POM121C: variants seen among roughly 807,000 people sequenced by gnomAD.
POM121C encodes the protein POM121 transmembrane nucleoporin C, also known as nuclear envelope pore membrane protein POM 121C.
POM121C carries 20 observed loss-of-function variants against 66.4 expected under a neutral mutation model. That is an observed-to-expected ratio of 0.30 (90% confidence interval 0.21 to 0.44). POM121C has a LOEUF of 0.44. Among genes scored for constraint, POM121C ranks in the 20% least tolerant of loss-of-function variants. The probability of loss-of-function intolerance (pLI) is 1.00; values close to 1 mark genes in which losing one functional copy is unlikely to be tolerated. For missense variants in POM121C, 580 were observed against 1,225.7 expected, an observed-to-expected ratio of 0.47 and a Z score of 7.87; for synonymous variants, 286 against 528.0, an observed-to-expected ratio of 0.54 and a Z score of 6.28.
At chr7:75,447,856 T>A (rs1790877915) in intron 3 of POM121C, among the ~76,000 whole-genome samples, 1 of 151,914 alleles carries the variant, frequency 6.6e-6, no homozygotes, top group African/African-American at 2.4e-5. Context: ...ACCCCGTCTC[T>A]ACTAAAAATA....
chr7:75,480,926 C>T (rs1281364660), intron 1 of POM121C, among the ~76,000 whole-genome samples: 2 of 151,334 alleles, frequency 1.3e-5, no homozygotes, highest in Non-Finnish European at 2.9e-5. Context: ...AATTACTGTG[C>T]TATGGATATT....
At chr7:75,463,083 G>A (rs1215381972) in intron 3 of POM121C, among the ~76,000 whole-genome samples, 2 of 152,158 alleles carry the variant, frequency 1.3e-5, no homozygotes, top group Admixed American at 6.5e-5. Flanking sequence ...AGCACTTTGG[G>A]AGGCTGAGGC....
chr7:75,460,894 T>C (rs1283239957), intron 3 of POM121C, among the ~76,000 whole-genome samples: 1 of 152,080 alleles, frequency 6.6e-6, no homozygotes, highest in African/African-American at 2.4e-5. Flanking sequence ...TCAGCAACAG[T>C]GGCTTCCCCA....
intron 3 of POM121C, among the ~76,000 whole-genome samples, chr7:75,470,758 G>A (rs1391420190): frequency 6.6e-6 from 1 of 151,822 alleles, no homozygotes; most frequent in Non-Finnish European, 1.5e-5. Flanking sequence ...TCAGCCTCCT[G>A]AATAGCTGGG....
At chr7:75,467,865 C>T (rs1554478080) in intron 3 of POM121C, among the ~76,000 whole-genome samples, 1 of 152,034 alleles carries the variant, frequency 6.6e-6, no homozygotes, top group Admixed American at 6.6e-5. Context: ...CACTGTGGCT[C>T]ATGCCTGTAA....
chr7:75,419,685 C>G, intron 13 of POM121C: 1 of 515,762 alleles, frequency 1.9e-6, no homozygotes, highest in Middle Eastern at 5.1e-4. Flanking sequence ...GCCCCCCTGC[C>G]CCGCAGCCAC....
intron 5 of POM121C, chr7:75,440,746 A>C: frequency 2.9e-6 from 2 of 699,646 alleles, no homozygotes; most frequent in South Asian, 3.8e-5. Flanking sequence ...CTCACAGAAA[A>C]GGTAAATTAT....
At chr7:75,477,757 T>C (rs587669562) in intron 1 of POM121C, among the ~76,000 whole-genome samples, 47 of 151,124 alleles carry the variant, frequency 3.1e-4, no homozygotes, top group African/African-American at 1.1e-3. Flanking sequence ...AGCAAGACCC[T>C]GTCTCTACAA....
chr7:75,486,193 C>A lies in POM121C; in HGVS notation c.-787G>T. The A allele has an allele frequency of 3.3e-6, 1 of 299,706 alleles. No homozygotes were observed. The highest frequency in any genetic ancestry group is 6.5e-6 in the Non-Finnish European group (1 of 154,458). 18.6% of individuals were successfully genotyped at this position (299,706 alleles called of 1,614,324 possible). On this transcript the variant is annotated 5_prime_UTR_variant, in exon 1 of 15. Coordinates refer to ENST00000615331, the MANE Select transcript of POM121C (RefSeq NM_001099415.3). Reference sequence around the variant, plus strand: ...CCGCCCGCCTAGGTGCTGGTCCGGGCGGTCAGCATCCAGCCCCGCAGACTC... The same window carrying A: ...CCGCCCGCCTAGGTGCTGGTCCGGGAGGTCAGCATCCAGCCCCGCAGACTC...
At chr7:75,427,546 C>T (rs1204200776) in intron 7 of POM121C, among the ~76,000 whole-genome samples, 2 of 150,352 alleles carry the variant, frequency 1.3e-5, no homozygotes, top group Non-Finnish European at 3.0e-5. Flanking sequence ...ATACATCTGC[C>T]TCTTCCACCA....
At chr7:75,441,693 T>C in intron 3 of POM121C, 46 bp from the exon 4 acceptor site, 1 of 1,471,878 alleles carries the variant, frequency 6.8e-7, no homozygotes, top group Non-Finnish European at 9.2e-7. Context: ...TATAAAAGAA[T>C]GTCAAAATTT....
At chr7:75,460,668 A>C (rs1203170094) in intron 3 of POM121C, among the ~76,000 whole-genome samples, 2 of 152,056 alleles carry the variant, frequency 1.3e-5, no homozygotes, top group Non-Finnish European at 2.9e-5. Flanking sequence ...ACATACTTAA[A>C]CAATGAAGAG....
intron 4 of POM121C, 39 bp downstream of exon 4, chr7:75,441,393 C>T: frequency 5.6e-6 from 9 of 1,600,228 alleles, no homozygotes; most frequent in Non-Finnish European, 7.7e-6. Context: ...ATAAAGTGGA[C>T]ACGAAAAGGG....
rs1554472930 is a variant in POM121C, at chr7:75,435,421, G to C, written c.480+2094C>G. 6.6e-5 allele frequency among the ~76,000 whole-genome samples: 10 copies of C among 152,296 alleles called. No individual in the cohort carries two copies. In the South Asian group the frequency reaches 1.2e-3, roughly 19 times the overall value. On this transcript the variant is annotated intron_variant, in intron 7 of 14. Coordinates refer to ENST00000615331, the MANE Select transcript of POM121C (RefSeq NM_001099415.3). ...AAAATGGAGAGGAAGGAAAAATGTA[G>C]AGTGGAAAGGGATGGAAATTGAATT... is the stretch of plus-strand genomic sequence containing the variant.
At chr7:75,465,999 C>T (rs587681106) in intron 3 of POM121C, among the ~76,000 whole-genome samples, 4 of 148,714 alleles carry the variant, frequency 2.7e-5, no homozygotes, top group African/African-American at 7.4e-5. Flanking sequence ...TGGTGCATAC[C>T]TGTAGTCCCA....
intron 3 of POM121C, among the ~76,000 whole-genome samples, chr7:75,446,575 C>G (rs1434370024): frequency 6.6e-6 from 1 of 150,700 alleles, no homozygotes; most frequent in Admixed American, 6.6e-5. Flanking sequence ...CTCAAGCACC[C>G]CAGGAATGGG....
chr7:75,466,756 A>T (rs1554477905), intron 3 of POM121C, among the ~76,000 whole-genome samples: 1 of 152,166 alleles, frequency 6.6e-6, no homozygotes, highest in Non-Finnish European at 1.5e-5. Flanking sequence ...CAAAGAAAAA[A>T]AAAAAGCAAA....
chr7:75,420,691 A>G (rs587705649), intron 13 of POM121C: 3 of 152,368 alleles, frequency 2.0e-5, no homozygotes, highest in Admixed American at 2.0e-4. Flanking sequence ...CATGGGATCT[A>G]CATTCATCTT....
At chr7:75,482,459 C>T (rs1554480275) in intron 1 of POM121C, among the ~76,000 whole-genome samples, 1 of 152,108 alleles carries the variant, frequency 6.6e-6, no homozygotes, top group Non-Finnish European at 1.5e-5. Flanking sequence ...TTTGGGACAC[C>T]GAGGCGGGCA....
Sources: allele counts gnomAD v4.1 joint callset (sites outside exome capture counted in the v4.1 genomes callset), GRCh38; gene constraint gnomAD v4.1.1; transcripts MANE v1.5; gene names NCBI Gene and HGNC (gene_info 2026-07-23, HGNC 2026-07-21).